Variants in PTPRN2 observed in about 807,000 individuals in gnomAD.
PTPRN2 encodes the protein receptor-type tyrosine-protein phosphatase N2.
Under a neutral mutation model 118.8 loss-of-function variants are expected in PTPRN2, and 74 were observed. That is an observed-to-expected ratio of 0.62 (90% CI 0.52 to 0.76). The LOEUF (loss-of-function observed/expected upper bound fraction) is 0.76, where lower values mean the gene tolerates loss of function less well. PTPRN2 is among the 30% of genes least tolerant of loss of function. The pLI is 0.00. For synonymous variants in PTPRN2, 641 were observed against 608.0 expected, an observed-to-expected ratio of 1.05 and a Z score of -0.80; for missense variants, 1,481 against 1,394.4, an observed-to-expected ratio of 1.06 and a Z score of -0.99.
At chr7:158,418,759 G>C (rs1312572655) in intron 2 of PTPRN2, among the ~76,000 whole-genome samples, 2 of 152,004 alleles carry the variant, frequency 1.3e-5, no homozygotes, top group Non-Finnish European at 2.9e-5. Context: ...AGATGCTGTA[G>C]CTCTCAGTGT....
intron 12 of PTPRN2, among the ~76,000 whole-genome samples, chr7:157,817,253 G>A (rs1001613474): frequency 6.6e-6 from 1 of 152,186 alleles, no homozygotes; most frequent in African/African-American, 2.4e-5. Context: ...CTTCCCTTCT[G>A]CTGCATTTTG....
intron 2 of PTPRN2, among the ~76,000 whole-genome samples, chr7:158,421,765 G>GT: frequency 6.6e-6 from 1 of 152,222 alleles, no homozygotes; most frequent in East Asian, 1.9e-4. Flanking sequence ...CATATGCTCT[G>GT]TTTGATGTAA....
At chr7:157,774,010 A>G (rs1803041133) in intron 12 of PTPRN2, among the ~76,000 whole-genome samples, 1 of 152,222 alleles carries the variant, frequency 6.6e-6, no homozygotes, top group Non-Finnish European at 1.5e-5. Flanking sequence ...AAAAGAGGTG[A>G]CAAAAAGAAA....
At chr7:158,587,059 G>A (rs926282750) in intron 1 of PTPRN2, among the ~76,000 whole-genome samples, 2 of 151,978 alleles carry the variant, frequency 1.3e-5, no homozygotes, top group Non-Finnish European at 2.9e-5. Context: ...AGAGCCTGGG[G>A]GTGTCGCGCT....
At chr7:158,586,394 G>A (rs1179797899) in intron 1 of PTPRN2, among the ~76,000 whole-genome samples, 2 of 152,224 alleles carry the variant, frequency 1.3e-5, no homozygotes, top group African/African-American at 4.8e-5. Flanking sequence ...AGAGGAAGGT[G>A]CCGGAGCCCA....
At chr7:158,578,840 G>A (rs1490425711) in intron 1 of PTPRN2, among the ~76,000 whole-genome samples, 6 of 151,828 alleles carry the variant, frequency 4.0e-5, no homozygotes, top group Admixed American at 3.9e-4. Context: ...TCATTTCACT[G>A]CATCCTCCAT....
chr7:158,280,042 C>A (rs1036061646), intron 3 of PTPRN2, among the ~76,000 whole-genome samples: 3 of 151,952 alleles, frequency 2.0e-5, no homozygotes, highest in Non-Finnish European at 2.9e-5. Context: ...GCGGCCCCCA[C>A]GCCCCACCGC....
At chr7:157,564,961 A>G (rs1799410127) in intron 21 of PTPRN2, among the ~76,000 whole-genome samples, 1 of 152,266 alleles carries the variant, frequency 6.6e-6, no homozygotes, top group African/African-American at 2.4e-5. Flanking sequence ...GCCATGGAAT[A>G]TGAGTCAGTC....
chr7:157,935,534 G>A (rs1563252899), intron 11 of PTPRN2, among the ~76,000 whole-genome samples: 1 of 152,138 alleles, frequency 6.6e-6, no homozygotes, highest in Non-Finnish European at 1.5e-5. Context: ...CCTCTTCTCC[G>A]TCTTTCCCTT....
chr7:158,146,867 A>G (rs563550340), intron 6 of PTPRN2, among the ~76,000 whole-genome samples: 2 of 152,104 alleles, frequency 1.3e-5, no homozygotes, highest in South Asian at 4.1e-4. Context: ...TAGAACAAGC[A>G]AACAGTTTAC....
rs1430493609 is a variant in PTPRN2 at position 157,720,734 on chromosome 7, C to CT, written c.1789-37798dup. ...CGGCAAATGGTGAGCGTGCCTCACTCTTTATAATAGAAATTACAAAAAGAT... is the reference window on the plus strand; with the variant it reads ...CGGCAAATGGTGAGCGTGCCTCACTCTTTTATAATAGAAATTACAAAAAGAT... On this transcript the variant is annotated intron_variant, in intron 12 of 22. Transcript: ENST00000389418. 2.0e-5 allele frequency among the ~76,000 whole-genome samples: 3 copies of CT among 152,324 alleles called. No individual in the cohort carries two copies. In the East Asian group the frequency reaches 5.8e-4, roughly 29 times the overall value.
At chr7:158,134,184 G>C in intron 8 of PTPRN2, 125 bp from the exon 9 acceptor site, 1 of 1,132,714 alleles carries the variant, frequency 8.8e-7, no homozygotes, top group Non-Finnish European at 1.2e-6. Flanking sequence ...AGGAGAGTGT[G>C]GGAGGAAGGC....
chr7:158,108,262 C>T (rs1406109383), intron 10 of PTPRN2, among the ~76,000 whole-genome samples: 1 of 152,264 alleles, frequency 6.6e-6, no homozygotes, highest in Admixed American at 6.5e-5. Flanking sequence ...ATAGCCCCCC[C>T]TCACCTGGAT....
intron 10 of PTPRN2, 58 bp from the exon 11 acceptor site, chr7:158,081,435 C>T (rs1391391439): frequency 1.3e-6 from 2 of 1,513,086 alleles, no homozygotes; most frequent in Non-Finnish European, 1.8e-6. Flanking sequence ...CACCGCTTTT[C>T]TGAAAACGAC....
intron 12 of PTPRN2, among the ~76,000 whole-genome samples, chr7:157,754,140 C>T (rs928636821): frequency 6.6e-6 from 1 of 152,246 alleles, no homozygotes; most frequent in Non-Finnish European, 1.5e-5. Flanking sequence ...CCACTGTGGG[C>T]TCAGGAAGAG....
At chr7:158,312,216 GC>G (rs1801845017) in intron 3 of PTPRN2, among the ~76,000 whole-genome samples, 1 of 8,766 alleles carries the variant, frequency 1.1e-4, no homozygotes, top group Non-Finnish European at 3.0e-4. Flanking sequence ...ACACACACGT[GC>G]TCACAGACAC....
chr7:158,574,736 CTGCT>C lies in PTPRN2; in HGVS notation c.112+12818_112+12821del. 6.6e-6 allele frequency among the ~76,000 whole-genome samples: 1 copy of C among 152,270 alleles called. No individual in the cohort carries two copies. Among genetic ancestry groups the C allele is most frequent in the Non-Finnish European group, 1.5e-5 (1 of 68,046 alleles). Reference sequence around the variant, plus strand: ...CCATAATTTAGGCCAAATTCTTCCTCTGCTACATGTGAGGACTGCATGCCCGGCA... The same window carrying C: ...CCATAATTTAGGCCAAATTCTTCCTCACATGTGAGGACTGCATGCCCGGCA... On this transcript the variant is annotated intron_variant, in intron 1 of 22. Transcript: ENST00000389418. The surrounding 1 kb of genome is among the most constrained non-coding windows in gnomAD (Gnocchi z 4.6).
chr7:158,087,719 A>T (rs1223649698), intron 10 of PTPRN2, among the ~76,000 whole-genome samples: 1 of 127,404 alleles, frequency 7.8e-6, no homozygotes, highest in African/African-American at 2.9e-5. Flanking sequence ...GGGAGTCTTC[A>T]CACAAACCTT....
At chr7:158,483,760 C>T (rs976996915) in intron 2 of PTPRN2, among the ~76,000 whole-genome samples, 2 of 152,200 alleles carry the variant, frequency 1.3e-5, no homozygotes, top group African/African-American at 2.4e-5. Context: ...CCTTGCCTAA[C>T]TGTATCCTCA....
Sources: gnomAD v4.1 joint callset for allele counts (sites outside exome capture counted in the v4.1 genomes callset) on GRCh38, gnomAD v4.1.1 for gene constraint, Gnocchi (gnomAD v3.1) non-coding constraint, MANE v1.5 for transcripts, NCBI Gene and HGNC (gene_info 2026-07-23, HGNC 2026-07-21) for gene names.